The following DOCK8 variants were observed in gnomAD, a reference collection of about 807,000 sequenced individuals.
DOCK8 encodes the protein dedicator of cytokinesis 8, also known as dedicator of cytokinesis protein 8.
In DOCK8, 141 loss-of-function variants were observed where a neutral mutation model predicts 245.6. The ratio of observed to expected loss-of-function variants is 0.57; its 90% confidence interval spans 0.50 to 0.66. The LOEUF (loss-of-function observed/expected upper bound fraction) is 0.66. Ranked by LOEUF, DOCK8 falls within the 30% of genes least tolerant of loss-of-function variation. DOCK8 has a pLI of 0.00. For missense variants in DOCK8, 2,965 were observed against 2,603.4 expected (o/e 1.14, Z -3.02); for synonymous variants, 1,168 against 970.2 (o/e 1.20, Z -3.79).
At chr9:403,661 C>G (rs960861291) in intron 26 of DOCK8, among the ~76,000 whole-genome samples, 1 of 151,620 alleles carries the variant, frequency 6.6e-6, no homozygotes, top group Non-Finnish European at 1.5e-5. Context: ...GCCAGGAGTT[C>G]GAGACCAGCT....
chr9:323,245 A>G (rs1335179261), intron 7 of DOCK8, among the ~76,000 whole-genome samples: 6 of 116,012 alleles, frequency 5.2e-5, no homozygotes, highest in Non-Finnish European at 1.0e-4. Flanking sequence ...TTTTTTTGAG[A>G]CAGAGTCTCA....
chr9:281,316 A>C (rs73374570), intron 2 of DOCK8, among the ~76,000 whole-genome samples: 6,256 of 152,216 alleles, frequency 0.041, 275 homozygotes, highest in African/African-American at 0.11. Flanking sequence ...ATAACGAATG[A>C]TATGCATACT....
At chr9:310,291 C>T (rs2050038410) in intron 5 of DOCK8, among the ~76,000 whole-genome samples, 1 of 151,358 alleles carries the variant, frequency 6.6e-6, no homozygotes, top group Non-Finnish European at 1.5e-5. Context: ...TCCAATCTTT[C>T]CTATTGGCTT....
chr9:271,697 A>G lies in DOCK8; in HGVS notation c.124A>G (p.Ile42Val), dbSNP rs1485703434. Residue 42 changes from isoleucine to valine, a missense_variant, in exon 2 of 48, where the codon ATA (isoleucine) becomes GTA (valine). Physicochemically the swap from Ile to Val is conservative, Grantham distance 29. Transcript: ENST00000432829. ...CCTTGGCCAGTACCATCGACAGAGC[A>G]TAAGTACCTCTGGCTTCCCCTCTCT... The part of the protein sequence containing the change: ...PNLGQYHRQS[I>V]STSGFPSLQL... 8 of 1,551,806 alleles carry G rather than the reference A, an allele frequency of 5.2e-6. No individual in the cohort carries two copies. Among genetic ancestry groups the G allele is most frequent in the East Asian group, 2.4e-5 (1 of 40,922 alleles).
At chr9:422,970 G>A (rs1351268808) in intron 33 of DOCK8, among the ~76,000 whole-genome samples, 1 of 132,596 alleles carries the variant, frequency 7.5e-6, no homozygotes, top group Non-Finnish European at 1.6e-5. Context: ...GGGTGACAGA[G>A]CAAGACTCCA....
chr9:263,243 A>G (rs552193692), intron 1 of DOCK8, among the ~76,000 whole-genome samples: 1 of 151,860 alleles, frequency 6.6e-6, no homozygotes, highest in South Asian at 2.1e-4. Flanking sequence ...ATTTGGGTAT[A>G]AATGTTCAAT....
chr9:398,161 T>C lies in DOCK8; in HGVS notation c.3121-985T>C, dbSNP rs916749961. ...GGTGTGAGAATAAGGCACAGTGAGGTTGATAAATTTTCCAAAAGTCACACA... is the reference window on the plus strand; with the variant it reads ...GGTGTGAGAATAAGGCACAGTGAGGCTGATAAATTTTCCAAAAGTCACACA... On this transcript the variant is annotated intron_variant, in intron 25 of 47. Coordinates refer to ENST00000432829, the MANE Select transcript of DOCK8 (RefSeq NM_203447.4). 6.6e-5 allele frequency among the ~76,000 whole-genome samples: 10 copies of C among 152,142 alleles called. No individual in the cohort carries two copies. In the East Asian group the frequency reaches 1.9e-3, roughly 29 times the overall value.
intron 44 of DOCK8, among the ~76,000 whole-genome samples, chr9:449,438 T>A (rs538801377): frequency 6.6e-6 from 1 of 152,210 alleles, no homozygotes; most frequent in African/African-American, 2.4e-5. Flanking sequence ...ACATGGACTT[T>A]GAAGATAGAC....
intron 14 of DOCK8, among the ~76,000 whole-genome samples, chr9:367,260 T>G (rs973342755): frequency 6.6e-6 from 1 of 152,228 alleles, no homozygotes; most frequent in African/African-American, 2.4e-5. Flanking sequence ...GTACACTCAT[T>G]CCTTCATTCA....
chr9:384,996 C>T (rs1450352139), intron 22 of DOCK8, among the ~76,000 whole-genome samples: 2 of 152,162 alleles, frequency 1.3e-5, no homozygotes, highest in Non-Finnish European at 2.9e-5. Context: ...TAGTTTGAGC[C>T]ATCAGGAATT....
rs146374190 is a variant in DOCK8, at chr9:374,193, A to T, written c.2109+1907A>T. On this transcript the variant is annotated intron_variant, in intron 18 of 47. Transcript: ENST00000432829. ...CTTGCGCTATGCTGTGTTTATAGATATACCCTTAGCCTCTCTTAGTATCCT... is the reference window on the plus strand; with the variant it reads ...CTTGCGCTATGCTGTGTTTATAGATTTACCCTTAGCCTCTCTTAGTATCCT... Among the ~76,000 whole-genome samples, 51 of 152,312 alleles carry T rather than the reference A, an allele frequency of 3.3e-4. No individual in the cohort carries two copies. In the East Asian group the frequency reaches 8.5e-3, roughly 25 times the overall value.
intron 10 of DOCK8, among the ~76,000 whole-genome samples, chr9:332,986 C>A (rs1418175642): frequency 6.6e-6 from 1 of 151,894 alleles, no homozygotes; most frequent in Non-Finnish European, 1.5e-5. Context: ...GAAATAAATC[C>A]TTGAATTTTC....
intron 37 of DOCK8, among the ~76,000 whole-genome samples, chr9:433,288 C>G (rs1019124624): frequency 3.8e-4 from 58 of 152,210 alleles, no homozygotes; most frequent in African/African-American, 1.3e-3. Flanking sequence ...CCCTGGCAAG[C>G]TGGCAGAGGG....
intron 18 of DOCK8, among the ~76,000 whole-genome samples, chr9:373,498 G>A (rs35220632): frequency 0.35 from 52,487 of 152,030 alleles, 10,726 homozygotes; most frequent in African/African-American, 0.57. Flanking sequence ...TTGGTATTCA[G>A]ATAAGGTCCA....
chr9:435,293 G>C (rs2056861659), intron 39 of DOCK8, among the ~76,000 whole-genome samples: 1 of 151,828 alleles, frequency 6.6e-6, no homozygotes, highest in Admixed American at 6.6e-5. Context: ...TTAAATTACT[G>C]TTTACAATAA....
At chr9:252,663 G>A (rs556508554) in intron 1 of DOCK8, among the ~76,000 whole-genome samples, 2 of 151,868 alleles carry the variant, frequency 1.3e-5, no homozygotes, top group African/African-American at 2.4e-5. Flanking sequence ...AATTAGCCGG[G>A]CCTGGTGATG....
chr9:247,781 C>G (rs2047540451), intron 1 of DOCK8, among the ~76,000 whole-genome samples: 1 of 152,076 alleles, frequency 6.6e-6, no homozygotes, highest in South Asian at 2.1e-4. Context: ...TCGTGATCCA[C>G]CCTCCTCGGC....
At chr9:259,267 C>T (rs1324864973) in intron 1 of DOCK8, among the ~76,000 whole-genome samples, 1 of 152,090 alleles carries the variant, frequency 6.6e-6, no homozygotes, top group Non-Finnish European at 1.5e-5. Context: ...CTCGCCACTG[C>T]ACTCAGCCTG....
chr9:298,736 C>T (rs770876995), intron 4 of DOCK8, among the ~76,000 whole-genome samples: 1 of 151,398 alleles, frequency 6.6e-6, no homozygotes, highest in South Asian at 2.1e-4. Flanking sequence ...AAAAGTAATG[C>T]TAAAGCTGAT....
Sources: allele counts gnomAD v4.1 joint callset (sites outside exome capture counted in the v4.1 genomes callset), GRCh38; gene constraint gnomAD v4.1.1; transcripts MANE v1.5; gene names NCBI Gene and HGNC (gene_info 2026-07-23, HGNC 2026-07-21).